The following FGF12 variants were observed in gnomAD, a reference collection of about 807,000 sequenced individuals.
FGF12 encodes the protein fibroblast growth factor 12B.
FGF12 carries 14 observed loss-of-function variants against 23.6 expected under a neutral mutation model. The observed-to-expected ratio is 0.59, with a 90% CI of 0.39 to 0.93. The LOEUF (loss-of-function observed/expected upper bound fraction) is 0.93, where lower values mean the gene tolerates loss of function less well. FGF12 is among the 40% of genes least tolerant of loss of function. The pLI is 0.00. For missense variants in FGF12, 175 were observed against 217.8 expected (o/e 0.80, Z 1.24); for synonymous variants, 62 against 77.3 (o/e 0.80, Z 1.04).
intron 3 of FGF12, among the ~76,000 whole-genome samples, chr3:192,338,755 A>C (rs1231449759): frequency 6.6e-6 from 1 of 152,176 alleles, no homozygotes; most frequent in African/African-American, 2.4e-5. Context: ...TTGTTCTCTT[A>C]GTCTGTGCGA....
chr3:192,316,424 C>A (rs1577347010), intron 4 of FGF12, among the ~76,000 whole-genome samples: 1 of 152,158 alleles, frequency 6.6e-6, no homozygotes, highest in African/African-American at 2.4e-5. Flanking sequence ...TTAGTGGCTG[C>A]ATGGCATGGA....
chr3:192,442,196 C>A (rs538315655), intron 2 of FGF12, among the ~76,000 whole-genome samples: 2 of 152,160 alleles, frequency 1.3e-5, no homozygotes, highest in South Asian at 4.1e-4. Flanking sequence ...GCTCAGTGGG[C>A]AGGGAACACA....
intron 2 of FGF12, among the ~76,000 whole-genome samples, chr3:192,576,429 A>G (rs1180429858): frequency 3.3e-5 from 5 of 152,222 alleles, no homozygotes; most frequent in African/African-American, 1.2e-4. Context: ...CACATTTTCC[A>G]TAACACTGAA....
At chr3:192,444,251 GAA>G (rs1054040628) in intron 2 of FGF12, among the ~76,000 whole-genome samples, 26 of 151,890 alleles carry the variant, frequency 1.7e-4, no homozygotes, top group African/African-American at 6.0e-4. Context: ...AGCTGACCTT[GAA>G]AAAAGGAGAA....
At chr3:192,354,629 A>G (rs899406390) in intron 3 of FGF12, among the ~76,000 whole-genome samples, 6 of 152,242 alleles carry the variant, frequency 3.9e-5, no homozygotes, top group African/African-American at 1.4e-4. Context: ...ACAAGTGTTC[A>G]ACCTAACTCA....
At chr3:192,448,122 T>G (rs377116920) in intron 2 of FGF12, among the ~76,000 whole-genome samples, 1 of 152,236 alleles carries the variant, frequency 6.6e-6, no homozygotes, top group Non-Finnish European at 1.5e-5. Flanking sequence ...CACATTTATA[T>G]GTACTACACT....
intron 4 of FGF12, among the ~76,000 whole-genome samples, chr3:192,182,734 C>G (rs965587515): frequency 6.6e-6 from 1 of 152,180 alleles, no homozygotes; most frequent in Non-Finnish European, 1.5e-5. Flanking sequence ...ATTTTCATGA[C>G]TCAGATCAAT....
At chr3:192,301,275 G>C (rs1216943635) in intron 4 of FGF12, among the ~76,000 whole-genome samples, 1 of 152,148 alleles carries the variant, frequency 6.6e-6, no homozygotes, top group African/African-American at 2.4e-5. Context: ...AAGCATCAGG[G>C]AGAAAACCGA....
chr3:192,660,065 G>A (rs1577105143), intron 2 of FGF12, among the ~76,000 whole-genome samples: 1 of 151,896 alleles, frequency 6.6e-6, no homozygotes, highest in South Asian at 2.1e-4. Context: ...ACACACGTAT[G>A]TTTATTGTGG....
intron 4 of FGF12, among the ~76,000 whole-genome samples, chr3:192,179,364 A>T (rs1001506570): frequency 6.6e-6 from 1 of 152,214 alleles, no homozygotes; most frequent in Non-Finnish European, 1.5e-5. Flanking sequence ...GAAACAAGGT[A>T]AATTTATACC....
chr3:192,445,746 G>A (rs1427551971), intron 2 of FGF12, among the ~76,000 whole-genome samples: 2 of 152,138 alleles, frequency 1.3e-5, no homozygotes, highest in Non-Finnish European at 2.9e-5. Flanking sequence ...TTTGCTCTTG[G>A]AATCCTATGG....
At chr3:192,376,700 T>C (rs1719527808) in intron 2 of FGF12, among the ~76,000 whole-genome samples, 1 of 152,238 alleles carries the variant, frequency 6.6e-6, no homozygotes, top group East Asian at 1.9e-4. Context: ...CCTTTTTTCC[T>C]ATACTGCCCT....
At chr3:192,185,834 G>C (rs902321701) in intron 4 of FGF12, among the ~76,000 whole-genome samples, 1 of 151,604 alleles carries the variant, frequency 6.6e-6, no homozygotes, top group African/African-American at 2.4e-5. Context: ...ACTTCAGCCT[G>C]GGCGACAGAG....
intron 2 of FGF12, among the ~76,000 whole-genome samples, chr3:192,391,862 G>A (rs952091864): frequency 9.9e-5 from 15 of 152,164 alleles, no homozygotes; most frequent in Non-Finnish European, 1.8e-4. Flanking sequence ...CTTGTATCAG[G>A]AAGAACTAAG....
At chr3:192,704,468 G>A (rs1214572373) in intron 2 of FGF12, among the ~76,000 whole-genome samples, 1 of 152,180 alleles carries the variant, frequency 6.6e-6, no homozygotes, top group African/African-American at 2.4e-5. Flanking sequence ...AGTCTCAATA[G>A]TGGGCTTAAA....
intron 2 of FGF12, among the ~76,000 whole-genome samples, chr3:192,698,893 C>G (rs1718209679): frequency 6.6e-6 from 1 of 152,128 alleles, no homozygotes; most frequent in Admixed American, 6.6e-5. Context: ...TACACCTCAC[C>G]CTTTCAGAGT....
At position 192,618,171 on chromosome 3, in the gene FGF12, C is replaced by T. The variant is rs1714833347; in HGVS notation, c.13+109010G>A. On this transcript the variant is annotated intron_variant, in intron 2 of 5. Coordinates refer to ENST00000445105, the MANE Select transcript of FGF12 (RefSeq NM_004113.6). Reference sequence around the variant, plus strand: ...ACAGCCAAGGTCCTTTCTTATTGTACGTTTTTCTGATTTTATAATGGAATC... The same window carrying T: ...ACAGCCAAGGTCCTTTCTTATTGTATGTTTTTCTGATTTTATAATGGAATC... Among the ~76,000 whole-genome samples the T allele has an allele frequency of 2.0e-5, 3 of 150,116 alleles. No individual in the cohort carries two copies. The South Asian group carries it at 6.3e-4, about 31-fold the overall frequency.
At position 192,550,954 on chromosome 3, in the gene FGF12, A is replaced by C. The variant is rs547903538; in HGVS notation, c.13+176227T>G. Among the ~76,000 whole-genome samples, 3 of 152,290 alleles carry C rather than the reference A, an allele frequency of 2.0e-5. No individual in the cohort carries two copies. In the East Asian group the frequency reaches 5.8e-4, roughly 29 times the overall value. ...GAACGCATGTAACTGTCAGGTTTAG[A>C]GAGTCACTTAGGTCAGGAACCCTAG... On this transcript the variant is annotated intron_variant, in intron 2 of 5. Coordinates refer to ENST00000445105, the MANE Select transcript of FGF12 (RefSeq NM_004113.6).
At chr3:192,552,418 C>A (rs1258443424) in intron 2 of FGF12, among the ~76,000 whole-genome samples, 1 of 152,084 alleles carries the variant, frequency 6.6e-6, no homozygotes, top group Non-Finnish European at 1.5e-5. Flanking sequence ...TTAAAAATTA[C>A]CCTCCAGATT....
Sources: allele counts gnomAD v4.1 joint callset (sites outside exome capture counted in the v4.1 genomes callset), GRCh38; gene constraint gnomAD v4.1.1; transcripts MANE v1.5; gene names NCBI Gene and HGNC (gene_info 2026-07-23, HGNC 2026-07-21).